PAK4: variants seen among roughly 807,000 people sequenced by gnomAD.
PAK4 encodes p21 (RAC1) activated kinase 4.
A neutral mutation model predicts 53.5 loss-of-function variants in PAK4; 49 were observed. The observed-to-expected ratio is 0.92, with a 90% CI of 0.73 to 1.16. The LOEUF (loss-of-function observed/expected upper bound fraction) is 1.16, where lower values mean the gene tolerates loss of function less well. PAK4 is among the 50% of genes most tolerant of loss of function. PAK4 has a pLI of 0.00. For synonymous variants in PAK4, 376 were observed against 375.6 expected, an observed-to-expected ratio of 1.00 and a Z score of -0.01; for missense variants, 824 against 850.7, an observed-to-expected ratio of 0.97 and a Z score of 0.39.
chr19:39,182,009 G>C (rs186794958), downstream of PAK4: 4 of 152,336 alleles, frequency 2.6e-5, no homozygotes, highest in Admixed American at 2.6e-4. Flanking sequence ...AGATGCTGGT[G>C]GGGCCCAGTG....
At chr19:39,135,223 T>C (rs936868928) in intron 1 of PAK4, 1 of 151,918 alleles carries the variant, frequency 6.6e-6, no homozygotes, top group Non-Finnish European at 1.5e-5. Context: ...GTAACACCAC[T>C]GGTTATCATC....
intron 1 of PAK4, among the ~76,000 whole-genome samples, chr19:39,164,670 C>T (rs1473321868): frequency 1.3e-5 from 2 of 152,118 alleles, no homozygotes; most frequent in East Asian, 1.9e-4. Context: ...AGGCTGTGAA[C>T]TCTGGAGTGG....
intron 8 of PAK4, 138 bp downstream of exon 9, chr19:39,177,947 CG>C (rs2074642424): frequency 8.1e-6 from 8 of 992,246 alleles, no homozygotes; most frequent in Non-Finnish European, 1.2e-5. Context: ...CCCCCACCCC[CG>C]GGCCTCATGT....
At chr19:39,144,190 ATAGATATGG>A (rs2073963319) in intron 1 of PAK4, among the ~76,000 whole-genome samples, 1 of 108,288 alleles carries the variant, frequency 9.2e-6, no homozygotes, top group Non-Finnish European at 2.0e-5. Flanking sequence ...AGATAGATAG[ATAGATATGG>A]TTAAGTGAGT....
At chr19:39,149,363 CATT>C (rs1201117832) in intron 1 of PAK4, among the ~76,000 whole-genome samples, 4 of 152,192 alleles carry the variant, frequency 2.6e-5, no homozygotes, top group East Asian at 1.9e-4. Context: ...GTCTTGAAAA[CATT>C]ATGCTTAGTG....
intron 1 of PAK4, among the ~76,000 whole-genome samples, chr19:39,143,453 C>T (rs1399217596): frequency 1.3e-5 from 2 of 151,044 alleles, no homozygotes; most frequent in Non-Finnish European, 2.9e-5. Context: ...ATTAGCTTGG[C>T]GAGGTGGCAG....
Position 39,173,189 on chromosome 19 carries a change from G to C in PAK4, c.476G>C (p.Arg159Thr), listed in dbSNP as rs530175554. The stretch of plus-strand genomic sequence containing the variant: ...AGGCGACGGGCGGGGCCAGAGAAGA[G>C]GCCCAAGTCTTCCAGGGAGGGCTCA... The change falls in exon 3 of 9, where the codon AGG becomes ACG. Residue 159 changes from arginine to threonine, a missense_variant. By Grantham distance (71) the Arg-to-Thr change is moderately conservative. Around this residue, in one of 2 missense-constraint regions of PAK4, gnomAD observed 478 missense variants for 435.8 expected, o/e 1.10. Transcript: ENST00000358301. The surrounding 1 kb of genome is among the most constrained non-coding windows in gnomAD (Gnocchi z 6.9). 1.3e-6 allele frequency: 2 copies of C among 1,545,084 alleles called. No individual in the cohort carries two copies. Among genetic ancestry groups the C allele is most frequent in the South Asian group, 2.4e-5 (2 of 83,844 alleles).
At chr19:39,179,481 G>A (rs532247156), downstream of PAK4, 2 of 152,280 alleles carry the variant, frequency 1.3e-5, no homozygotes, top group African/African-American at 4.8e-5. Context: ...AGAGGGTCTG[G>A]ATCTGGGAGC....
chr19:39,140,855 G>C (rs181815107), intron 1 of PAK4, among the ~76,000 whole-genome samples: 2 of 152,282 alleles, frequency 1.3e-5, no homozygotes, highest in African/African-American at 4.8e-5. Context: ...AATGATTCCT[G>C]CTGCCTCCCA....
chr19:39,172,876 A>G, intron 2 of PAK4, 42 bp from the exon 4 acceptor site: 1 of 1,473,334 alleles, frequency 6.8e-7, no homozygotes, highest in Non-Finnish European at 9.1e-7. Flanking sequence ...TGTGTGCCCC[A>G]CTCCTTGCTG....
chr19:39,132,769 C>T (rs1314091594), intron 1 of PAK4, among the ~76,000 whole-genome samples: 2 of 152,220 alleles, frequency 1.3e-5, no homozygotes, highest in Non-Finnish European at 2.9e-5. Flanking sequence ...CACTCCCACC[C>T]CCCAGTGTCT....
chr19:39,144,173 GATA>G (rs2073962237), intron 1 of PAK4, among the ~76,000 whole-genome samples: 1 of 70,320 alleles, frequency 1.4e-5, no homozygotes, highest in East Asian at 2.9e-4. Context: ...AGATTAGATA[GATA>G]GATAGATAGA....
At chr19:39,148,915 T>C (rs969046018) in intron 1 of PAK4, among the ~76,000 whole-genome samples, 3 of 152,120 alleles carry the variant, frequency 2.0e-5, no homozygotes, top group Admixed American at 1.3e-4. Context: ...TTGTTGAAAA[T>C]GCTGTCTTTC....
chr19:39,141,906 C>T (rs1184104920), intron 1 of PAK4, among the ~76,000 whole-genome samples: 8 of 152,212 alleles, frequency 5.3e-5, no homozygotes, highest in Non-Finnish European at 7.3e-5. Flanking sequence ...GGATTATAGG[C>T]GTGAGCCACG....
chr19:39,138,240 A>G (rs1242460088), intron 1 of PAK4, among the ~76,000 whole-genome samples: 1 of 151,536 alleles, frequency 6.6e-6, no homozygotes, highest in African/African-American at 2.4e-5. Flanking sequence ...TTTTATAGAG[A>G]TGGGATTTCA....
intron 7 of PAK4, among the ~76,000 whole-genome samples, chr19:39,177,324 G>A (rs1000616366): frequency 2.0e-5 from 3 of 152,180 alleles, no homozygotes; most frequent in Admixed American, 1.3e-4. Context: ...GATTGGCTCA[G>A]CCTGGGTCCT....
intron 4 of PAK4, among the ~76,000 whole-genome samples, chr19:39,174,512 C>T (rs564485818): frequency 7.9e-5 from 12 of 152,096 alleles, no homozygotes; most frequent in Admixed American, 3.9e-4. Flanking sequence ...GTCCCTTTGC[C>T]GGGTGTGTGA....
chr19:39,165,556 T>TAAATAA (rs761595959), intron 1 of PAK4, among the ~76,000 whole-genome samples: 15,793 of 122,882 alleles, frequency 0.13, 1,158 homozygotes, highest in Middle Eastern at 0.18. Context: ...ATAAATAAAA[T>TAAATAA]AATAATAGAC....
intron 1 of PAK4, among the ~76,000 whole-genome samples, chr19:39,158,979 G>A (rs762909821): frequency 2.6e-5 from 4 of 152,168 alleles, no homozygotes; most frequent in Non-Finnish European, 4.4e-5. Flanking sequence ...TAACAGCAGC[G>A]AGCCTGCAGT....
Sources: gnomAD v4.1 joint callset for allele counts (sites outside exome capture counted in the v4.1 genomes callset) on GRCh38, gnomAD v4.1.1 for gene constraint, gnomAD v4.1.1 regional missense constraint, Gnocchi (gnomAD v3.1) non-coding constraint, MANE v1.5 for transcripts, NCBI Gene and HGNC (gene_info 2026-07-23, HGNC 2026-07-21) for gene names.